KPNA4: variants seen among roughly 807,000 people sequenced by gnomAD.
The protein encoded by KPNA4 is importin subunit alpha-3.
In KPNA4, 13 loss-of-function variants were observed where a neutral mutation model predicts 71.3. That is an observed-to-expected ratio of 0.18 (90% confidence interval 0.12 to 0.29). The LOEUF (loss-of-function observed/expected upper bound fraction) is 0.29, where lower values mean the gene tolerates loss of function less well. Among genes scored for constraint, KPNA4 ranks in the 10% least tolerant of loss-of-function variants. The probability of loss-of-function intolerance (pLI) is 1.00; values close to 1 mark genes in which losing one functional copy is unlikely to be tolerated. For missense variants in KPNA4, 334 were observed against 603.2 expected (o/e 0.55, Z 4.67); for synonymous variants, 189 against 195.2 (o/e 0.97, Z 0.26).
intron 13 of KPNA4, among the ~76,000 whole-genome samples, chr3:160,511,625 A>T (rs1721095720): frequency 6.6e-6 from 1 of 151,874 alleles, no homozygotes; most frequent in Non-Finnish European, 1.5e-5. Context: ...TTACTGATGA[A>T]ATATATTCTA....
chr3:160,510,390 T>A (rs1721066294), intron 13 of KPNA4, among the ~76,000 whole-genome samples: 1 of 152,066 alleles, frequency 6.6e-6, no homozygotes. Flanking sequence ...GAAAATAACA[T>A]AAAGCAGAGT....
chr3:160,523,222 G>A (rs1721390620), intron 10 of KPNA4, among the ~76,000 whole-genome samples: 3 of 152,128 alleles, frequency 2.0e-5, no homozygotes, highest in Admixed American at 6.5e-5. Context: ...TGTAACCCCA[G>A]CACTTTGGGA....
chr3:160,514,463 T>A (rs888788239), intron 12 of KPNA4, among the ~76,000 whole-genome samples: 2 of 152,176 alleles, frequency 1.3e-5, no homozygotes, highest in Admixed American at 6.5e-5. Context: ...CTGAACAAAT[T>A]TGAATGAGCA....
chr3:160,511,236 G>C (rs1394368898), intron 13 of KPNA4, among the ~76,000 whole-genome samples: 1 of 152,056 alleles, frequency 6.6e-6, no homozygotes, highest in Non-Finnish European at 1.5e-5. Context: ...CTCTCGAGTA[G>C]CTGGGACTAC....
intron 11 of KPNA4, among the ~76,000 whole-genome samples, chr3:160,516,756 A>G (rs146426461): frequency 4.9e-4 from 74 of 152,200 alleles, no homozygotes; most frequent in African/African-American, 1.8e-3. Flanking sequence ...TGGACAACAG[A>G]GTAAGACCCT....
intron 1 of KPNA4, among the ~76,000 whole-genome samples, chr3:160,551,503 T>C (rs1722039424): frequency 1.3e-5 from 2 of 152,102 alleles, no homozygotes; most frequent in Non-Finnish European, 2.9e-5. Flanking sequence ...GACTAGAAGG[T>C]GTTTCCAGGA....
At chr3:160,546,951 T>G (rs1721923489) in intron 1 of KPNA4, among the ~76,000 whole-genome samples, 1 of 152,246 alleles carries the variant, frequency 6.6e-6, no homozygotes, top group African/African-American at 2.4e-5. Context: ...TTTGGTCTCT[T>G]AAGCCACACT....
intron 1 of KPNA4, among the ~76,000 whole-genome samples, chr3:160,549,915 C>A (rs544331673): frequency 6.6e-6 from 1 of 152,238 alleles, no homozygotes; most frequent in South Asian, 2.1e-4. Context: ...GTGTTTCTTT[C>A]TTTCAGCAAT....
intron 1 of KPNA4, among the ~76,000 whole-genome samples, chr3:160,541,523 T>C (rs1221522683): frequency 6.6e-6 from 1 of 152,100 alleles, no homozygotes; most frequent in Non-Finnish European, 1.5e-5. Flanking sequence ...CTAGGATATA[T>C]TCTAAAACTG....
intron 1 of KPNA4, among the ~76,000 whole-genome samples, chr3:160,553,585 T>A (rs1262270340): frequency 9.2e-5 from 14 of 152,118 alleles, no homozygotes; most frequent in Admixed American, 9.2e-4. Context: ...TTCCCTAACA[T>A]CCCTACTTGA....
intron 13 of KPNA4, among the ~76,000 whole-genome samples, chr3:160,512,981 T>C (rs995597571): frequency 2.0e-5 from 3 of 152,112 alleles, no homozygotes; most frequent in South Asian, 2.1e-4. Flanking sequence ...CTAAAAACCA[T>C]AGGTGAAAGA....
At chr3:160,531,118 A>G (rs1721567219) in intron 6 of KPNA4, among the ~76,000 whole-genome samples, 178 bp from the exon 7 acceptor site, 1 of 152,186 alleles carries the variant, frequency 6.6e-6, no homozygotes, top group Non-Finnish European at 1.5e-5. Flanking sequence ...TCAGTATAAA[A>G]AGCATACAAC....
intron 1 of KPNA4, among the ~76,000 whole-genome samples, chr3:160,547,162 C>T (rs542034730): frequency 2.0e-5 from 3 of 152,304 alleles, no homozygotes; most frequent in East Asian, 1.9e-4. Context: ...AATTTCATGA[C>T]ATCCAATGTA....
At chr3:160,515,383 C>G in intron 12 of KPNA4, 69 bp downstream of exon 12, 1 of 1,352,782 alleles carries the variant, frequency 7.4e-7, no homozygotes, top group South Asian at 1.3e-5. Flanking sequence ...TTCTAAGACT[C>G]TAATTTTACA....
chr3:160,527,728 A>T (rs1034878975), intron 8 of KPNA4, among the ~76,000 whole-genome samples: 1 of 152,206 alleles, frequency 6.6e-6, no homozygotes, highest in Non-Finnish European at 1.5e-5. Flanking sequence ...TATTCAAATA[A>T]TTAAGAGCTA....
At chr3:160,543,604 T>A (rs1028329899) in intron 1 of KPNA4, among the ~76,000 whole-genome samples, 3 of 151,788 alleles carry the variant, frequency 2.0e-5, no homozygotes, top group East Asian at 2.0e-4. Context: ...AAGTGCTAGA[T>A]TTACAAGTGT....
chr3:160,557,791 C>T (rs1477572482), intron 1 of KPNA4, among the ~76,000 whole-genome samples: 1 of 152,200 alleles, frequency 6.6e-6, no homozygotes, highest in Non-Finnish European at 1.5e-5. Context: ...CCTCCTGCCT[C>T]AGCCTCCTAA....
chr3:160,540,831 G>T (rs1721784393), intron 1 of KPNA4, among the ~76,000 whole-genome samples: 1 of 152,228 alleles, frequency 6.6e-6, no homozygotes, highest in Non-Finnish European at 1.5e-5. Flanking sequence ...GGAGGTTGAG[G>T]ACTGTTGCTG....
intron 13 of KPNA4, among the ~76,000 whole-genome samples, chr3:160,511,301 T>C (rs997995236): frequency 2.5e-4 from 38 of 151,328 alleles, no homozygotes; most frequent in African/African-American, 9.0e-4. Context: ...GAGATGGGGT[T>C]TTGCTGTGTT....
Sources: allele counts gnomAD v4.1 joint callset (sites outside exome capture counted in the v4.1 genomes callset), GRCh38; gene constraint gnomAD v4.1.1; transcripts MANE v1.5; gene names NCBI Gene and HGNC (gene_info 2026-07-23, HGNC 2026-07-21).